The following DNM3 variants were observed in gnomAD, a reference collection of about 807,000 sequenced individuals.
DNM3 encodes the protein dynamin-3.
In DNM3, 47 loss-of-function variants were observed where a neutral mutation model predicts 101.6. The ratio of observed to expected loss-of-function variants is 0.46; its 90% CI spans 0.37 to 0.59. DNM3 has a LOEUF of 0.59. Among genes scored for constraint, DNM3 ranks in the 20% least tolerant of loss-of-function variants. The probability of loss-of-function intolerance (pLI) is 0.00; values close to 1 mark genes in which losing one functional copy is unlikely to be tolerated. For missense variants in DNM3, 849 were observed against 1,085.7 expected, an observed-to-expected ratio of 0.78 and a Z score of 3.06; for synonymous variants, 385 against 387.9, an observed-to-expected ratio of 0.99 and a Z score of 0.09.
intron 12 of DNM3, among the ~76,000 whole-genome samples, chr1:172,089,429 G>A (rs2053759150): frequency 6.6e-6 from 1 of 152,172 alleles, no homozygotes; most frequent in East Asian, 1.9e-4. Flanking sequence ...AAGTTAACTT[G>A]CAAGTCCTTA....
intron 13 of DNM3, among the ~76,000 whole-genome samples, chr1:172,094,954 T>A (rs2054149303): frequency 6.6e-6 from 1 of 152,200 alleles, no homozygotes; most frequent in East Asian, 1.9e-4. Flanking sequence ...TATGCATACT[T>A]TAGATCAGAG....
intron 10 of DNM3, among the ~76,000 whole-genome samples, chr1:172,054,446 A>G (rs7530970): frequency 6.6e-6 from 1 of 151,974 alleles, no homozygotes; most frequent in South Asian, 2.1e-4. Flanking sequence ...CCTCCTCTTC[A>G]CCAGTGCATC....
At chr1:172,025,808 AC>A (rs1256889391) in intron 4 of DNM3, among the ~76,000 whole-genome samples, 2 of 152,164 alleles carry the variant, frequency 1.3e-5, no homozygotes, top group Non-Finnish European at 2.9e-5. Flanking sequence ...AAGATCACCA[AC>A]CTCAAAGACC....
intron 16 of DNM3, among the ~76,000 whole-genome samples, chr1:172,314,765 C>T (rs539678007): frequency 2.0e-5 from 3 of 152,362 alleles, no homozygotes; most frequent in African/African-American, 7.2e-5. Context: ...CCCACCACAG[C>T]TCAAGGAGGC....
chr1:172,396,801 G>A (rs1365055435), intron 20 of DNM3, among the ~76,000 whole-genome samples: 9 of 151,958 alleles, frequency 5.9e-5, no homozygotes, highest in Admixed American at 3.3e-4. Flanking sequence ...TTCATTTGCA[G>A]TATTTCATTT....
chr1:172,351,146 A>T (rs1193016945), intron 17 of DNM3, among the ~76,000 whole-genome samples: 1 of 152,176 alleles, frequency 6.6e-6, no homozygotes, highest in East Asian at 1.9e-4. Flanking sequence ...AATGTTTACC[A>T]TCTATATTCT....
At chr1:172,186,516 T>C (rs2059531749) in intron 14 of DNM3, among the ~76,000 whole-genome samples, 1 of 152,058 alleles carries the variant, frequency 6.6e-6, no homozygotes. Flanking sequence ...AGGACAATGC[T>C]GTCCCCCCCT....
chr1:172,350,210 G>T (rs1214718981), intron 17 of DNM3, among the ~76,000 whole-genome samples: 1 of 152,060 alleles, frequency 6.6e-6, no homozygotes, highest in Non-Finnish European at 1.5e-5. Flanking sequence ...CACCTTCTGG[G>T]TGATTAGTGG....
At chr1:171,919,303 C>A (rs537866282) in intron 1 of DNM3, among the ~76,000 whole-genome samples, 1 of 152,298 alleles carries the variant, frequency 6.6e-6, no homozygotes, top group East Asian at 1.9e-4. Context: ...CTGTCCCTCT[C>A]CTGGCCCCCC....
chr1:172,037,896 A>T (rs1558464359), intron 6 of DNM3, among the ~76,000 whole-genome samples: 2 of 152,230 alleles, frequency 1.3e-5, no homozygotes, highest in Non-Finnish European at 2.9e-5. Flanking sequence ...TAAACCACTT[A>T]GTCCTGAGAA....
Position 171,988,998 on chromosome 1 carries a change from G to A in DNM3, c.439G>A (p.Asp147Asn), listed in dbSNP as rs915862931. ...LPGITKVPVGDQPPDIEYQIR... is the reference protein window; with the variant it reads ...LPGITKVPVGNQPPDIEYQIR... ...TGGAATAACTAAAGTGCCTGTGGGA[G>A]ATCAGCCACCAGATATCGAGTATCA... The change falls in exon 4 of 21, where the codon GAT (aspartate) becomes AAT (asparagine). Residue 147 changes from aspartate (D) to asparagine (N), a missense_variant. Coordinates refer to ENST00000627582, the MANE Select transcript of DNM3 (RefSeq NM_015569.5). The A allele has an allele frequency of 1.2e-6, 2 of 1,607,188 alleles. No homozygotes were observed. The highest frequency in any genetic ancestry group is 2.2e-5 in the East Asian group (1 of 44,712).
At chr1:172,137,491 T>C (rs1462324528) in intron 14 of DNM3, 1 of 152,204 alleles carries the variant, frequency 6.6e-6, no homozygotes, top group African/African-American at 2.4e-5. Context: ...TTAAAGAAAC[T>C]ATAATGTCAG....
At chr1:172,117,981 G>A (rs1456723340) in intron 13 of DNM3, among the ~76,000 whole-genome samples, 1 of 152,088 alleles carries the variant, frequency 6.6e-6, no homozygotes, top group Non-Finnish European at 1.5e-5. Context: ...AAGTGCACAG[G>A]GCTAACCAAA....
intron 4 of DNM3, among the ~76,000 whole-genome samples, chr1:172,015,430 TTCTTTAATATCTTTCA>T (rs1230964944): frequency 6.6e-6 from 1 of 152,208 alleles, no homozygotes; most frequent in Non-Finnish European, 1.5e-5. Flanking sequence ...TATTTAGTTC[TTCTTTAATATCTTTCA>T]TCAGAGTTTT....
chr1:172,270,034 A>G (rs6424840), intron 15 of DNM3, among the ~76,000 whole-genome samples: 149,192 of 152,234 alleles, frequency 0.98, 73,173 homozygotes, highest in East Asian at 1. Context: ...GGTTTTTAGC[A>G]ATAACATGTA....
intron 14 of DNM3, among the ~76,000 whole-genome samples, chr1:172,240,245 C>T (rs545657613): frequency 6.6e-6 from 1 of 152,204 alleles, no homozygotes; most frequent in South Asian, 2.1e-4. Context: ...CTTCAGAAAC[C>T]TTCATTAATT....
intron 14 of DNM3, among the ~76,000 whole-genome samples, chr1:172,241,938 T>C (rs1044429133): frequency 5.9e-5 from 9 of 152,204 alleles, no homozygotes; most frequent in Non-Finnish European, 1.0e-4. Context: ...TACAGGGCAT[T>C]GGAAGAAGTG....
intron 14 of DNM3, among the ~76,000 whole-genome samples, chr1:172,183,926 T>C (rs114874217): frequency 0.01 from 1,591 of 151,544 alleles, 17 homozygotes; most frequent in African/African-American, 0.036. Flanking sequence ...TTTTTTTTTT[T>C]CTAGAGAATC....
In DNM3 at chr1:172,031,845, T is replaced by C. The variant is rs140116318; in HGVS notation, c.590-557T>C. 6.9e-3 allele frequency among the ~76,000 whole-genome samples: 1,057 copies of C among 152,258 alleles called. 19 individuals carry two copies. Among genetic ancestry groups the C allele is most frequent in the African/African-American group, 0.024 (996 of 41,548 alleles). ...CTTCTTTCCATTAAATCATATTTCC[T>C]TTTCTAAGGAATAGTGAATGCTGTG... is the stretch of plus-strand genomic sequence containing the variant. On this transcript the variant is annotated intron_variant, in intron 4 of 20. Coordinates refer to ENST00000627582, the MANE Select transcript of DNM3 (RefSeq NM_015569.5).
Sources: gnomAD v4.1 joint callset for allele counts (sites outside exome capture counted in the v4.1 genomes callset) on GRCh38, gnomAD v4.1.1 for gene constraint, MANE v1.5 for transcripts, NCBI Gene and HGNC (gene_info 2026-07-23, HGNC 2026-07-21) for gene names.